EPS15L1: variants seen among roughly 807,000 people sequenced by gnomAD.
EPS15L1 encodes the protein epidermal growth factor receptor substrate 15-like 1.
A neutral mutation model predicts 117.1 loss-of-function variants in EPS15L1; 43 were observed. That is an observed-to-expected ratio of 0.37 (90% CI 0.29 to 0.47). The LOEUF (loss-of-function observed/expected upper bound fraction) is 0.47, where lower values mean the gene tolerates loss of function less well. EPS15L1 is among the 20% of genes least tolerant of loss of function. The pLI is 0.99. For synonymous variants in EPS15L1, 459 were observed against 470.5 expected (o/e 0.98, Z 0.32); for missense variants, 981 against 1,164.0 (o/e 0.84, Z 2.29).
chr19:16,457,777 A>G (rs1295587052), intron 1 of EPS15L1, among the ~76,000 whole-genome samples: 1 of 151,882 alleles, frequency 6.6e-6, no homozygotes, highest in Non-Finnish European at 1.5e-5. Flanking sequence ...CATCTCAGAG[A>G]ACAGACCTAT....
chr19:16,355,950 C>G (rs2091974038), intron 23 of EPS15L1, 99 bp from the exon 24 acceptor site: 1 of 1,414,584 alleles, frequency 7.1e-7, no homozygotes, highest in South Asian at 1.3e-5. Flanking sequence ...AGGGTCCTGC[C>G]CACCGCCCAG....
In EPS15L1 at chr19:16,436,966, G is replaced by A; in HGVS notation, c.343C>T (p.Pro115Ser). ...ACAGCCCAGTGGGCCTCTGCAGAGG[G>A]CGGTGTGACCATCAGAGGGCTGCTG... is the stretch of plus-strand genomic sequence containing the variant. ...DTSSPLMVTP[P>S]SAEAHWAVRV... is the part of the protein sequence containing the mutation. The change falls in exon 6 of 24, where the codon CCC becomes TCC. Residue 115 changes from proline to serine, a missense_variant. Around this residue, in one of 5 missense-constraint regions of EPS15L1, gnomAD observed 52 missense variants for 53.1 expected, o/e 0.98. Transcript: ENST00000455140. 6.2e-7 allele frequency: 1 copy of A among 1,614,132 alleles called. No individual in the cohort carries two copies. The highest frequency in any genetic ancestry group is 1.7e-4 in the Middle Eastern group (1 of 6,058).
At chr19:16,426,088 C>T (rs1354951785) in intron 8 of EPS15L1, among the ~76,000 whole-genome samples, 1 of 152,172 alleles carries the variant, frequency 6.6e-6, no homozygotes, top group Non-Finnish European at 1.5e-5. Flanking sequence ...GAACTGAGCA[C>T]AGAGGGAAAA....
chr19:16,417,372 A>G lies in EPS15L1; in HGVS notation c.1193+180T>C. ...CTCTGGCTGAGGCTGATTCAAATGG[A>G]AGATGTCATTCTTCAAGCCCCTTGA... On this transcript the variant is annotated intron_variant, in intron 12 of 23. Coordinates refer to ENST00000455140, the MANE Select transcript of EPS15L1 (RefSeq NM_001258374.3). 5 of 605,326 alleles carry G rather than the reference A, an allele frequency of 8.3e-6. No homozygotes were observed. The South Asian group carries it at 9.5e-5, about 12-fold the overall frequency. The allele number at this position is 605,326 out of a possible 1,614,324, so 37.5% of individuals were successfully genotyped here.
intron 5 of EPS15L1, among the ~76,000 whole-genome samples, chr19:16,437,275 G>A (rs899476417): frequency 6.6e-6 from 1 of 152,218 alleles, no homozygotes; most frequent in African/African-American, 2.4e-5. Flanking sequence ...CATGTCCAGA[G>A]AGATGAATGG....
In EPS15L1 at chr19:16,424,047, A is replaced by G. The variant is rs542564635; in HGVS notation, c.792+1036T>C. ...CCAACACGGGGCAGCCTTGCCGTGG[A>G]GCTGGCTCTCCCAGTGACAGCTGGG... On this transcript the variant is annotated intron_variant, in intron 9 of 23. Transcript: ENST00000455140. Among the ~76,000 whole-genome samples, 239 of 152,348 alleles carry G rather than the reference A, an allele frequency of 1.6e-3. 1 individual carries two copies. Among genetic ancestry groups the G allele is most frequent in the Middle Eastern group, 3.4e-3 (1 of 294 alleles).
intron 13 of EPS15L1, among the ~76,000 whole-genome samples, chr19:16,407,625 C>A (rs1167279702): frequency 6.6e-6 from 1 of 152,154 alleles, no homozygotes; most frequent in African/African-American, 2.4e-5. Flanking sequence ...CATGCCTGGC[C>A]TTCTTTTCCC....
chr19:16,457,201 T>C (rs1027687409), intron 1 of EPS15L1, among the ~76,000 whole-genome samples: 1 of 152,160 alleles, frequency 6.6e-6, no homozygotes, highest in Non-Finnish European at 1.5e-5. Flanking sequence ...CCCAGGGGCA[T>C]TGAGGTGGAA....
chr19:16,359,289 T>C (rs2092021597), intron 23 of EPS15L1, among the ~76,000 whole-genome samples: 1 of 152,158 alleles, frequency 6.6e-6, no homozygotes, highest in African/African-American at 2.4e-5. Flanking sequence ...TGCCCTCTTC[T>C]AAGTTAGCAC....
At chr19:16,451,826 G>A (rs1351537206) in intron 1 of EPS15L1, among the ~76,000 whole-genome samples, 1 of 149,342 alleles carries the variant, frequency 6.7e-6, no homozygotes, top group African/African-American at 2.4e-5. Flanking sequence ...ACCGCGCCTG[G>A]CCTACAATTT....
chr19:16,437,666 C>CT, intron 5 of EPS15L1, 104 bp downstream of exon 5: 1 of 789,656 alleles, frequency 1.3e-6, no homozygotes, highest in Non-Finnish European at 2.2e-6. Flanking sequence ...AAGGGGAAGG[C>CT]TAGAGAAAAC....
chr19:16,371,121 G>A lies in EPS15L1; in HGVS notation c.2380+6001C>T, dbSNP rs1230528308. 6.6e-6 allele frequency among the ~76,000 whole-genome samples: 1 copy of A among 152,260 alleles called. No homozygotes were observed. The highest frequency in any genetic ancestry group is 2.4e-5 in the African/African-American group (1 of 41,472). The stretch of plus-strand genomic sequence containing the variant: ...TTCAAATGGAGATGCCATTTTTAAA[G>A]TGGATCTTGTGCAATCAACAAAAGG... On this transcript the variant is annotated intron_variant, in intron 22 of 23. Coordinates refer to ENST00000455140, the MANE Select transcript of EPS15L1 (RefSeq NM_001258374.3). The surrounding 1 kb of genome is among the most constrained non-coding windows in gnomAD (Gnocchi z 4.7).
intron 23 of EPS15L1, among the ~76,000 whole-genome samples, chr19:16,360,376 A>G (rs2144624622): frequency 6.6e-6 from 1 of 152,284 alleles, no homozygotes; most frequent in Admixed American, 6.5e-5. Flanking sequence ...CCCAGTGCGC[A>G]TCTAGGGTCA....
intron 7 of EPS15L1, among the ~76,000 whole-genome samples, chr19:16,431,541 ATCTGCCCGCC>A (rs1192414768): frequency 6.6e-6 from 1 of 152,012 alleles, no homozygotes; most frequent in East Asian, 1.9e-4. Context: ...TGATCTCGTG[ATCTGCCCGCC>A]TCGGCCTCCC....
At chr19:16,424,807 C>G (rs1391777762) in intron 9 of EPS15L1, among the ~76,000 whole-genome samples, 1 of 151,874 alleles carries the variant, frequency 6.6e-6, no homozygotes, top group South Asian at 2.1e-4. Context: ...ATTACAGGTG[C>G]GCACCACCAC....
At chr19:16,402,081 G>T (rs1316073872) in intron 16 of EPS15L1, 2 of 1,277,556 alleles carry the variant, frequency 1.6e-6, no homozygotes, top group African/African-American at 1.5e-5. Flanking sequence ...TTCAAAACAG[G>T]TTCTGAAAGG....
chr19:16,366,190 C>CAAGCA (rs2144651357), intron 22 of EPS15L1, among the ~76,000 whole-genome samples: 1 of 152,100 alleles, frequency 6.6e-6, no homozygotes, highest in East Asian at 1.9e-4. Context: ...CCAGGGTGGA[C>CAAGCA]ACTGCTTGAT....
chr19:16,406,459 C>T (rs1189208188), intron 13 of EPS15L1, among the ~76,000 whole-genome samples: 1 of 152,190 alleles, frequency 6.6e-6, no homozygotes, highest in Non-Finnish European at 1.5e-5. Flanking sequence ...CAGTGGGGGG[C>T]ACAGAGAGAG....
At chr19:16,415,546 G>C (rs2092750402) in intron 12 of EPS15L1, among the ~76,000 whole-genome samples, 1 of 152,154 alleles carries the variant, frequency 6.6e-6, no homozygotes, top group Non-Finnish European at 1.5e-5. Flanking sequence ...ACAATACAAA[G>C]TGCTCTTTAA....
Sources: allele counts gnomAD v4.1 joint callset (sites outside exome capture counted in the v4.1 genomes callset), GRCh38; gene constraint gnomAD v4.1.1; regional missense constraint gnomAD v4.1.1; non-coding constraint Gnocchi (gnomAD v3.1); transcripts MANE v1.5; gene names NCBI Gene and HGNC (gene_info 2026-07-23, HGNC 2026-07-21).